Variants in KRT73 observed in about 807,000 individuals in gnomAD.
KRT73 encodes the protein keratin, type II cytoskeletal 73.
In KRT73, 44 loss-of-function variants were observed where a neutral mutation model predicts 47.2. The observed-to-expected ratio is 0.93, with a 90% CI of 0.73 to 1.20. The LOEUF (loss-of-function observed/expected upper bound fraction) is 1.20. Ranked by LOEUF, KRT73 falls within the 50% of genes most tolerant of loss-of-function variation. The pLI is 0.00. For synonymous variants in KRT73, 285 were observed against 291.3 expected, an observed-to-expected ratio of 0.98 and a Z score of 0.22; for missense variants, 713 against 704.5, an observed-to-expected ratio of 1.01 and a Z score of -0.14.
the KRT73 span, among the ~76,000 whole-genome samples, chr12:52,626,845 G>A: frequency 6.6e-6 from 1 of 152,120 alleles, no homozygotes; most frequent in African/African-American, 2.4e-5. Flanking sequence ...GGCTTATTGG[G>A]TTCTCAGGAT....
chr12:52,628,851 AG>A, the KRT73 span, among the ~76,000 whole-genome samples: 1 of 152,210 alleles, frequency 6.6e-6, no homozygotes, highest in Non-Finnish European at 1.5e-5. Context: ...GAAGACAAAA[AG>A]GTGGGGGTAG....
chr12:52,619,913 T>C (rs1940874567), upstream of KRT73, among the ~76,000 whole-genome samples: 1 of 152,178 alleles, frequency 6.6e-6, no homozygotes, highest in Non-Finnish European at 1.5e-5. Context: ...TATTTCTGTA[T>C]AGAGGTTATG....
At chr12:52,618,836 A>G (rs1321725991), upstream of KRT73, among the ~76,000 whole-genome samples, 1 of 152,240 alleles carries the variant, frequency 6.6e-6, no homozygotes, top group Non-Finnish European at 1.5e-5. Flanking sequence ...GGTTTGTCGC[A>G]GTCTCAATTG....
At chr12:52,620,404 C>G (rs934151681), upstream of KRT73, among the ~76,000 whole-genome samples, 3 of 152,112 alleles carry the variant, frequency 2.0e-5, no homozygotes, top group African/African-American at 7.2e-5. Context: ...GCACCTGACC[C>G]AAAGTTTCTA....
Position 52,614,588 on chromosome 12 carries a change from C to T in KRT73, c.810G>A (p.Leu270=), listed in dbSNP as rs653493. 33,590 of 1,613,620 alleles carry T rather than the reference C, an allele frequency of 0.021. 2,643 individuals are homozygous for T. The highest frequency in any genetic ancestry group is 0.2 in the Admixed American group (12,272 of 59,956). ...GCAGGGGGAGCCTTACCCCCTCGTA[C>T]AGACACTTGAAGAACTTGATTTCTC... ...LDGEIKFFKC[L]YEGETAQIQS... The change falls in exon 4 of 9, where the codon CTG becomes CTA. Residue 270 remains leucine (L), a synonymous_variant. Coordinates refer to ENST00000305748, the MANE Select transcript of KRT73 (RefSeq NM_175068.3).
At chr12:52,623,975 A>G in the KRT73 span, among the ~76,000 whole-genome samples, 1 of 152,024 alleles carries the variant, frequency 6.6e-6, no homozygotes, top group Admixed American at 6.5e-5. Flanking sequence ...CTAATATATC[A>G]ATAATTATGT....
In KRT73 at chr12:52,611,252, G is replaced by A. The variant is rs1482933608; in HGVS notation, c.1062C>T (p.Thr354=). The A allele has an allele frequency of 4.3e-6, 7 of 1,614,046 alleles. No individual in the cohort carries two copies. The highest frequency in any genetic ancestry group is 1.3e-5 in the African/African-American group (1 of 74,924). ...CCGAGCGCAGTCTTTGGATGAGACGGGTCAGCTCTGAGATCTCATTTTTGG... is the reference window on the plus strand; with the variant it reads ...CCGAGCGCAGTCTTTGGATGAGACGAGTCAGCTCTGAGATCTCATTTTTGG... ...KHTKNEISEL[T]RLIQRLRSEI... The change falls in exon 6 of 9, where the codon ACC becomes ACT. Residue 354 remains threonine (T), a synonymous_variant. Transcript: ENST00000305748.
In KRT73 at chr12:52,610,744, C is replaced by T. The variant is rs200649407; in HGVS notation, c.1202G>A (p.Gly401Asp). ...DARAKLDELEGALQQAKEELA... is the reference protein window; with the variant it reads ...DARAKLDELEDALQQAKEELA... ...CTCCTCCTTGGCCTGCTGCAGGGCG[C>T]CCTCCAGCTCATCCAGCTTGGCCCT... is the stretch of plus-strand genomic sequence containing the variant. Residue 401 changes from glycine (G) to aspartate (D), a missense_variant, in exon 7 of 9, where the codon GGC becomes GAC. Physicochemically the swap from Gly to Asp is moderately conservative, Grantham distance 94 (BLOSUM62 -1). Transcript: ENST00000305748. 75 of 1,613,902 alleles carry T rather than the reference C, an allele frequency of 4.6e-5. No individual in the cohort carries two copies. Among genetic ancestry groups the T allele is most frequent in the Admixed American group, 1.8e-4 (11 of 60,008 alleles).
Position 52,616,137 on chromosome 12 carries a change from A to T in KRT73, c.662+29T>A, listed in dbSNP as rs371924474. 5.6e-6 allele frequency: 9 copies of T among 1,612,850 alleles called. No homozygotes were observed. In the East Asian group the frequency reaches 1.1e-4, roughly 20 times the overall value. On this transcript the variant is annotated intron_variant, in intron 2 of 8. Coordinates refer to ENST00000305748, the MANE Select transcript of KRT73 (RefSeq NM_175068.3). ...CTGGGAAAGCCTCACCCTGGGAGGC[A>T]GACCAGCCTGGAGTGGCGTCCTGCT...
upstream of KRT73, among the ~76,000 whole-genome samples, chr12:52,622,851 G>A (rs138497048): frequency 5.2e-4 from 79 of 152,232 alleles, no homozygotes; most frequent in African/African-American, 1.7e-3. Context: ...ATGGATACAC[G>A]TAACAGGAGA....
At chr12:52,617,998 G>T in intron 1 of KRT73, 80 bp downstream of exon 1, 1 of 1,452,190 alleles carries the variant, frequency 6.9e-7, no homozygotes, top group Non-Finnish European at 9.4e-7. Context: ...CAGGCAAATT[G>T]AACCACAAAT....
intron 5 of KRT73, chr12:52,612,894 CA>C (rs1194345789): frequency 6.6e-6 from 1 of 152,182 alleles, no homozygotes; most frequent in Admixed American, 6.5e-5. Context: ...TCAAAATAAG[CA>C]ATAATAATAC....
At position 52,614,584 on chromosome 12, in the gene KRT73, C is replaced by T. The variant is rs777696701; in HGVS notation, c.814G>A (p.Glu272Lys). 3.7e-6 allele frequency: 6 copies of T among 1,613,386 alleles called. No homozygotes were observed. Among genetic ancestry groups the T allele is most frequent in the South Asian group, 3.3e-5 (3 of 90,994 alleles). Reference protein sequence around the residue: ...GEIKFFKCLYEGETAQIQSHI... With the variant: ...GEIKFFKCLYKGETAQIQSHI... Reference sequence around the variant, plus strand: ...TGGGGCAGGGGGAGCCTTACCCCCTCGTACAGACACTTGAAGAACTTGATT... The same window carrying T: ...TGGGGCAGGGGGAGCCTTACCCCCTTGTACAGACACTTGAAGAACTTGATT... The change falls in exon 4 of 9, where the codon GAG (glutamate) becomes AAG (lysine). Residue 272 changes from glutamate (E) to lysine (K), a missense_variant. Glu to Lys is a moderately conservative substitution (Grantham distance 56). Transcript: ENST00000305748.
In KRT73 at chr12:52,615,264, A is replaced by C; in HGVS notation, c.723+15T>G. ...ACTGCTGGGGGACTGAAGGGAACCC[A>C]TGCACCCTCCTCACCTTCTTAAGCA... On this transcript the variant is annotated intron_variant, in intron 3 of 8. Transcript: ENST00000305748. The C allele has an allele frequency of 6.2e-7, 1 of 1,612,094 alleles. No individual in the cohort carries two copies. The highest frequency in any genetic ancestry group is 1.3e-5 in the African/African-American group (1 of 75,000).
In KRT73 at chr12:52,618,369, C is replaced by A; in HGVS notation, c.156G>T (p.Gly52=). ...GFSSRSLYSL[G]GARSISFNVA... is the part of the protein sequence containing the mutation. ...CATTGAAAGAGATGCTCCGGGCACC[C>A]CCCAGGCTGTAAAGGCTCCGACTGC... Residue 52 remains glycine, a synonymous_variant, in exon 1 of 9, where the codon GGG becomes GGT. Coordinates refer to ENST00000305748, the MANE Select transcript of KRT73 (RefSeq NM_175068.3). 6.2e-7 allele frequency: 1 copy of A among 1,614,214 alleles called. No individual in the cohort carries two copies.
intron 7 of KRT73, 120 bp from the exon 8 acceptor site, chr12:52,609,401 C>T (rs1592241274): frequency 1.2e-6 from 1 of 806,882 alleles, no homozygotes; most frequent in Non-Finnish European, 2.2e-6. Context: ...GCACCCCACA[C>T]TTGCCAGATG....
Position 52,610,713 on chromosome 12 carries a change from T to C in KRT73, c.1233A>G (p.Ala411=). 6.2e-7 allele frequency: 1 copy of C among 1,614,004 alleles called. No individual in the cohort carries two copies. The highest frequency in any genetic ancestry group is 8.5e-7 in the Non-Finnish European group (1 of 1,180,006). Reference sequence around the variant, plus strand: ...GCTCTTGGTACTCGCGCAGCATCCGTGCCAGCTCCTCCTTGGCCTGCTGCA... The same window carrying C: ...GCTCTTGGTACTCGCGCAGCATCCGCGCCAGCTCCTCCTTGGCCTGCTGCA... ...GALQQAKEEL[A]RMLREYQELL... is the part of the protein sequence containing the mutation. Residue 411 remains alanine, a synonymous_variant, in exon 7 of 9, where the codon GCA becomes GCG. Coordinates refer to ENST00000305748, the MANE Select transcript of KRT73 (RefSeq NM_175068.3).
At position 52,608,318 on chromosome 12, in the gene KRT73, C is replaced by A; in HGVS notation, c.1501G>T (p.Gly501Cys). The change falls in exon 9 of 9, where the codon GGC (glycine) becomes TGC (cysteine). Residue 501 changes from glycine to cysteine, a missense_variant. Gly to Cys is a radical substitution (Grantham distance 159). Coordinates refer to ENST00000305748, the MANE Select transcript of KRT73 (RefSeq NM_175068.3). ...CCACGGGGGCTACAGTTCCCACTGC[C>A]AGTGACACAGCCCCCAGGCAGCATG... ...YSMLPGGCVT[G>C]SGNCSPRGEA... 1 of 1,613,980 alleles carries A rather than the reference C, an allele frequency of 6.2e-7. No homozygotes were observed. The highest frequency in any genetic ancestry group is 8.5e-7 in the Non-Finnish European group (1 of 1,180,010).
Position 52,607,989 on chromosome 12 carries a change from A to C in KRT73, c.*207T>G, listed in dbSNP as rs1477527878. On this transcript the variant is annotated 3_prime_UTR_variant, in exon 9 of 9. Coordinates refer to ENST00000305748, the MANE Select transcript of KRT73 (RefSeq NM_175068.3). The stretch of plus-strand genomic sequence containing the variant: ...TGAGTTAAAAGGCCTCTTTGGATGG[A>C]GGCAGAAAGATGGGCTCCAGCTCTC... The C allele has an allele frequency of 1.7e-6, 1 of 591,020 alleles. No individual in the cohort carries two copies. The highest frequency in any genetic ancestry group is 1.9e-5 in the African/African-American group (1 of 53,490). 36.6% of individuals were successfully genotyped at this position (591,020 alleles called of 1,614,324 possible).
Sources: allele counts gnomAD v4.1 joint callset (sites outside exome capture counted in the v4.1 genomes callset), GRCh38; gene constraint gnomAD v4.1.1; transcripts MANE v1.5; gene names NCBI Gene and HGNC (gene_info 2026-07-23, HGNC 2026-07-21).